The following STARD10 variants were observed in gnomAD, a reference collection of about 807,000 sequenced individuals.
STARD10 encodes the protein StAR related lipid transfer domain containing 10, also known as START domain-containing protein 10.
A neutral mutation model predicts 36.0 loss-of-function variants in STARD10; 24 were observed. The ratio of observed to expected loss-of-function variants is 0.67; its 90% CI spans 0.48 to 0.94. STARD10 has a LOEUF of 0.94. Ranked by LOEUF, STARD10 falls within the 40% of genes least tolerant of loss-of-function variation. The pLI, the probability that STARD10 is intolerant of heterozygous loss-of-function variation, is 0.00. For missense variants in STARD10, 335 were observed against 396.6 expected (o/e 0.84, Z 1.32); for synonymous variants, 156 against 161.9 (o/e 0.96, Z 0.28).
intron 6 of STARD10, chr11:72,755,366 A>G: frequency 1.8e-6 from 1 of 566,324 alleles, no homozygotes. Context: ...GCTGGAGTGC[A>G]GTGGCATGAT....
intron 1 of STARD10, among the ~76,000 whole-genome samples, chr11:72,790,557 T>G (rs937249039): frequency 2.6e-5 from 4 of 152,156 alleles, no homozygotes; most frequent in Admixed American, 6.5e-5. Context: ...CCCTGCTCCA[T>G]GAGGGGAAAC....
chr11:72,784,693 C>T (rs766655202), intron 1 of STARD10, among the ~76,000 whole-genome samples: 4 of 152,220 alleles, frequency 2.6e-5, no homozygotes, highest in East Asian at 1.9e-4. Context: ...GTCCCCTCCA[C>T]AGGAAGTGAA....
intron 3 of STARD10, 132 bp downstream of exon 3, chr11:72,759,102 T>C: frequency 9.0e-7 from 1 of 1,107,912 alleles, no homozygotes; most frequent in Admixed American, 2.2e-5. Flanking sequence ...GGCAGCTCTA[T>C]CTCTCAGCAC....
At chr11:72,778,629 A>C (rs1006470948) in intron 2 of STARD10, among the ~76,000 whole-genome samples, 8 of 152,244 alleles carry the variant, frequency 5.3e-5, no homozygotes, top group African/African-American at 1.9e-4. Context: ...TGTAGGGAGC[A>C]AAGCTGGGGA....
chr11:72,769,137 G>A (rs1858828106), intron 2 of STARD10, among the ~76,000 whole-genome samples: 1 of 152,180 alleles, frequency 6.6e-6, no homozygotes, highest in Non-Finnish European at 1.5e-5. Context: ...CCAAGAGACA[G>A]GTTCAGGGGA....
intron 2 of STARD10, among the ~76,000 whole-genome samples, chr11:72,760,362 G>A (rs1310802498): frequency 6.6e-6 from 1 of 151,830 alleles, no homozygotes; most frequent in East Asian, 1.9e-4. Context: ...GAGTAGATGG[G>A]ATTACAGGCA....
At chr11:72,766,295 C>G (rs1429433505) in intron 2 of STARD10, among the ~76,000 whole-genome samples, 1 of 152,170 alleles carries the variant, frequency 6.6e-6, no homozygotes, top group Non-Finnish European at 1.5e-5. Flanking sequence ...CTGCTGTGTG[C>G]CAGACCTGTG....
chr11:72,784,206 G>T (rs1411665686), intron 1 of STARD10, among the ~76,000 whole-genome samples: 1 of 152,162 alleles, frequency 6.6e-6, no homozygotes, highest in East Asian at 1.9e-4. Flanking sequence ...GCCGAGAAGG[G>T]CCCCATCTGC....
At position 72,754,886 on chromosome 11, in the gene STARD10, C is replaced by T. The variant is rs370354949; in HGVS notation, c.*11G>A. On this transcript the variant is annotated 3_prime_UTR_variant, in exon 7 of 7. Coordinates refer to ENST00000334805, the MANE Select transcript of STARD10 (RefSeq NM_006645.3). ...CCCGGTCCTGTCTCCGTCCCTGAAG[C>T]GGTGCGGCGCTCAGGTGAGCGAGGT... The T allele has an allele frequency of 1.1e-4, 176 of 1,593,262 alleles. 1 individual carries two copies. In the African/African-American group the frequency reaches 1.9e-3, roughly 17 times the overall value.
intron 1 of STARD10, among the ~76,000 whole-genome samples, chr11:72,791,366 CT>C (rs1859141266): frequency 6.6e-6 from 1 of 152,154 alleles, no homozygotes; most frequent in South Asian, 2.1e-4. Context: ...GGAAAGATCC[CT>C]GTCGTAGTCC....
At chr11:72,766,387 G>T (rs1224081188) in intron 2 of STARD10, among the ~76,000 whole-genome samples, 2 of 152,148 alleles carry the variant, frequency 1.3e-5, no homozygotes, top group Non-Finnish European at 2.9e-5. Flanking sequence ...AGTGGTAAGG[G>T]ACAGGGACAC....
At chr11:72,769,581 C>T (rs570101929) in intron 2 of STARD10, among the ~76,000 whole-genome samples, 6 of 152,030 alleles carry the variant, frequency 3.9e-5, no homozygotes, top group Admixed American at 1.3e-4. Flanking sequence ...TGGGCTTAAG[C>T]GATCCTCCCA....
chr11:72,755,607 G>A (rs909514531), intron 6 of STARD10, 94 bp downstream of exon 6: 2 of 1,431,038 alleles, frequency 1.4e-6, no homozygotes, highest in Non-Finnish European at 2.0e-6. Context: ...CACCACGCCT[G>A]GCCCTCAGGC....
intron 6 of STARD10, 166 bp from the exon 7 acceptor site, chr11:72,755,308 T>C: frequency 3.4e-6 from 1 of 290,830 alleles, no homozygotes. Flanking sequence ...TCTCCATTCT[T>C]TTTTTTTTTT....
At chr11:72,763,136 CA>C (rs140735484) in intron 2 of STARD10, among the ~76,000 whole-genome samples, 18,916 of 152,176 alleles carry the variant, frequency 0.12, 1,593 homozygotes, top group South Asian at 0.21. Context: ...GGAAATCCCC[CA>C]GTCCCAGGCA....
rs746431305 is a variant in STARD10, at chr11:72,781,192, G to A, written c.-11C>T. ...CGCCAGCTTCTCCATGGGGAGTGTG[G>A]GGAGGCCCAGGGCCCTGGTCCTAGT... On this transcript the variant is annotated 5_prime_UTR_variant, in exon 2 of 7. Coordinates refer to ENST00000334805, the MANE Select transcript of STARD10 (RefSeq NM_006645.3). This position sits in a 1 kb window ranked among gnomAD's most constrained non-coding sequence, Gnocchi z 4.7. 6 of 1,605,220 alleles carry A rather than the reference G, an allele frequency of 3.7e-6. No homozygotes were observed. Among genetic ancestry groups the A allele is most frequent in the Non-Finnish European group, 5.1e-6 (6 of 1,178,898 alleles).
chr11:72,792,090 G>C (rs548978355), intron 1 of STARD10, among the ~76,000 whole-genome samples: 5,604 of 116,894 alleles, frequency 0.048, 186 homozygotes, highest in Middle Eastern at 0.079. Context: ...TACTCTGTCA[G>C]CCAGGCTGGA....
At chr11:72,788,924 TAGCACACTAC>T (rs1859106769) in intron 1 of STARD10, among the ~76,000 whole-genome samples, 1 of 152,140 alleles carries the variant, frequency 6.6e-6, no homozygotes, top group Admixed American at 6.5e-5. Flanking sequence ...GGTGCAATCA[TAGCACACTAC>T]AGCCTTGAAA....
Position 72,754,984 on chromosome 11 carries a change from G to A in STARD10, c.789C>T (p.Ile263=). 1.2e-6 allele frequency: 2 copies of A among 1,612,198 alleles called. No individual in the cohort carries two copies. Among genetic ancestry groups the A allele is most frequent in the Admixed American group, 1.7e-5 (1 of 59,930 alleles). The change falls in exon 7 of 7, where the codon ATC becomes ATT. Residue 263 remains isoleucine (I), a synonymous_variant. Transcript: ENST00000334805. ...TGCTCTCGGCCACCGCGCTCTCGTC[G>A]ATGTTCTCCAGTGAGTCCGCATGCT... The part of the protein sequence containing the change: ...SVQHADSLEN[I]DESAVAESRE...
Sources: gnomAD v4.1 joint callset for allele counts (sites outside exome capture counted in the v4.1 genomes callset) on GRCh38, gnomAD v4.1.1 for gene constraint, Gnocchi (gnomAD v3.1) non-coding constraint, MANE v1.5 for transcripts, NCBI Gene and HGNC (gene_info 2026-07-23, HGNC 2026-07-21) for gene names.